KCNQ5: variants seen among roughly 807,000 people sequenced by gnomAD.
KCNQ5 encodes potassium voltage-gated channel subfamily Q member 5, also known as potassium voltage-gated channel subfamily KQT member 5.
In KCNQ5, 30 loss-of-function variants were observed where a neutral mutation model predicts 98.2. The ratio of observed to expected loss-of-function variants is 0.31; its 90% CI spans 0.23 to 0.41. The LOEUF (loss-of-function observed/expected upper bound fraction) is 0.41. Ranked by LOEUF, KCNQ5 falls within the 10% of genes least tolerant of loss-of-function variation. The probability of loss-of-function intolerance (pLI) is 1.00; values close to 1 mark genes in which losing one functional copy is unlikely to be tolerated. For missense variants in KCNQ5, 835 were observed against 1,182.5 expected (o/e 0.71, Z 4.31); for synonymous variants, 458 against 449.4 (o/e 1.02, Z -0.24).
At chr6:73,155,422 G>A (rs1265116115) in intron 10 of KCNQ5, among the ~76,000 whole-genome samples, 1 of 152,190 alleles carries the variant, frequency 6.6e-6, no homozygotes, top group African/African-American at 2.4e-5. Context: ...CAACGAGGAT[G>A]GATGAGGGTG....
intron 1 of KCNQ5, among the ~76,000 whole-genome samples, chr6:72,658,665 C>G (rs1766343836): frequency 6.7e-6 from 1 of 149,894 alleles, no homozygotes; most frequent in Non-Finnish European, 1.5e-5. Context: ...ACTGCAACCT[C>G]CGTCTCTCGG....
At chr6:73,160,922 G>GT (rs1562213554) in intron 10 of KCNQ5, among the ~76,000 whole-genome samples, 1 of 152,044 alleles carries the variant, frequency 6.6e-6, no homozygotes, top group Non-Finnish European at 1.5e-5. Flanking sequence ...TGCAGCCAAG[G>GT]TTGAAACCCA....
At chr6:72,841,909 C>T (rs1582394763) in intron 1 of KCNQ5, among the ~76,000 whole-genome samples, 1 of 152,186 alleles carries the variant, frequency 6.6e-6, no homozygotes, top group Non-Finnish European at 1.5e-5. Flanking sequence ...AAGATGATGA[C>T]GTTAAATAAC....
chr6:72,932,534 T>A (rs1205875064), intron 1 of KCNQ5, among the ~76,000 whole-genome samples: 2 of 152,234 alleles, frequency 1.3e-5, no homozygotes, highest in Non-Finnish European at 2.9e-5. Context: ...TTTAAAATTA[T>A]AATAGATGCT....
intron 1 of KCNQ5, among the ~76,000 whole-genome samples, chr6:72,874,420 G>A (rs986116062): frequency 6.6e-6 from 1 of 152,028 alleles, no homozygotes; most frequent in Non-Finnish European, 1.5e-5. Flanking sequence ...GACCTGGATG[G>A]TCTATCTACA....
intron 1 of KCNQ5, among the ~76,000 whole-genome samples, chr6:72,791,118 C>T (rs544143057): frequency 3.4e-4 from 51 of 152,228 alleles, no homozygotes; most frequent in Middle Eastern, 3.4e-3. Flanking sequence ...AGAGAAGCTG[C>T]GAGGCCTCTC....
At chr6:72,855,901 A>G (rs894841628) in intron 1 of KCNQ5, among the ~76,000 whole-genome samples, 1 of 152,224 alleles carries the variant, frequency 6.6e-6, no homozygotes, top group African/African-American at 2.4e-5. Flanking sequence ...TTAAGACTTA[A>G]TTAACCAAGA....
intron 9 of KCNQ5, among the ~76,000 whole-genome samples, chr6:73,126,527 A>C (rs996131012): frequency 1.3e-5 from 2 of 152,060 alleles, no homozygotes; most frequent in Admixed American, 1.3e-4. Context: ...TACCAACCAA[A>C]TTTTCCACAT....
At chr6:72,838,097 T>TC (rs1243024778) in intron 1 of KCNQ5, among the ~76,000 whole-genome samples, 12 of 91,400 alleles carry the variant, frequency 1.3e-4, no homozygotes, top group African/African-American at 4.8e-4. Flanking sequence ...ATGCTATCCC[T>TC]CCCCCCTCCC....
chr6:72,658,851 A>T (rs1221559716), intron 1 of KCNQ5, among the ~76,000 whole-genome samples: 2 of 152,120 alleles, frequency 1.3e-5, no homozygotes, highest in Non-Finnish European at 2.9e-5. Context: ...AAGTGCTGGG[A>T]TTACAGGCAT....
intron 1 of KCNQ5, among the ~76,000 whole-genome samples, chr6:72,997,708 G>A (rs1359873350): frequency 4.1e-5 from 6 of 147,826 alleles, no homozygotes; most frequent in South Asian, 4.3e-4. Flanking sequence ...GCGTGAATCC[G>A]GAAGGGGGAG....
chr6:72,751,995 TTTTG>T (rs1771708827), intron 1 of KCNQ5, among the ~76,000 whole-genome samples: 1 of 152,116 alleles, frequency 6.6e-6, no homozygotes, highest in African/African-American at 2.4e-5. Flanking sequence ...ATCTTTTGCC[TTTTG>T]TTTGTTTGGG....
intron 1 of KCNQ5, among the ~76,000 whole-genome samples, chr6:72,949,047 T>A (rs1013965929): frequency 6.6e-6 from 1 of 152,228 alleles, no homozygotes; most frequent in African/African-American, 2.4e-5. Context: ...TTTTTTTATA[T>A]TCATTCAGGA....
chr6:72,935,561 C>A (rs753563889), intron 1 of KCNQ5, among the ~76,000 whole-genome samples: 2 of 152,120 alleles, frequency 1.3e-5, no homozygotes, highest in African/African-American at 2.4e-5. Flanking sequence ...TTAGTTGTTT[C>A]TTTTATCTTG....
intron 1 of KCNQ5, among the ~76,000 whole-genome samples, chr6:72,682,447 C>CT (rs1215680522): frequency 6.6e-6 from 1 of 151,870 alleles, no homozygotes; most frequent in Non-Finnish European, 1.5e-5. Context: ...GGATTTGTAC[C>CT]TTTTTTTTCC....
intron 1 of KCNQ5, among the ~76,000 whole-genome samples, chr6:72,714,385 C>T (rs1044114770): frequency 6.6e-6 from 1 of 151,948 alleles, no homozygotes; most frequent in African/African-American, 2.4e-5. Context: ...AATGGAGGAG[C>T]TTGTCATAAC....
At chr6:72,952,789 G>T (rs1039553745) in intron 1 of KCNQ5, among the ~76,000 whole-genome samples, 1 of 152,060 alleles carries the variant, frequency 6.6e-6, no homozygotes. Flanking sequence ...CCTTTCTCGG[G>T]AATCTTCCCT....
intron 1 of KCNQ5, among the ~76,000 whole-genome samples, chr6:72,905,644 C>T (rs1043864038): frequency 3.9e-5 from 6 of 152,150 alleles, no homozygotes; most frequent in African/African-American, 1.4e-4. Context: ...ATTGTTATCT[C>T]TCTTCTGGGT....
chr6:72,647,444 A>G (rs776214425), intron 1 of KCNQ5, among the ~76,000 whole-genome samples: 1 of 152,060 alleles, frequency 6.6e-6, no homozygotes, highest in Non-Finnish European at 1.5e-5. Context: ...CCCAGAAAAA[A>G]CAAAACAAAA....
Sources: gnomAD v4.1 joint callset for allele counts (sites outside exome capture counted in the v4.1 genomes callset) on GRCh38, gnomAD v4.1.1 for gene constraint, MANE v1.5 for transcripts, NCBI Gene and HGNC (gene_info 2026-07-23, HGNC 2026-07-21) for gene names.